The following MEF2D variants were observed in gnomAD, a reference collection of about 807,000 sequenced individuals.
MEF2D encodes myocyte-specific enhancer factor 2D.
Under a neutral mutation model 59.3 loss-of-function variants are expected in MEF2D, and 10 were observed. That is an observed-to-expected ratio of 0.17 (90% CI 0.10 to 0.29). The LOEUF is 0.29. Ranked by LOEUF, MEF2D falls within the 10% of genes least tolerant of loss-of-function variation. The pLI, the probability that MEF2D is intolerant of heterozygous loss-of-function variation, is 1.00. For missense variants in MEF2D, 508 were observed against 699.4 expected (o/e 0.73, Z 3.09); for synonymous variants, 305 against 295.0 (o/e 1.03, Z -0.35).
intron 1 of MEF2D, among the ~76,000 whole-genome samples, chr1:156,493,897 G>A (rs922342511): frequency 6.6e-6 from 1 of 152,070 alleles, no homozygotes; most frequent in Non-Finnish European, 1.5e-5. Context: ...CCCACCCCCA[G>A]GCTGACAGGT....
intron 5 of MEF2D, 37 bp from the exon 6 acceptor site, chr1:156,479,383 C>T (rs1336580430): frequency 1.2e-6 from 2 of 1,602,514 alleles, no homozygotes; most frequent in Non-Finnish European, 1.7e-6. Flanking sequence ...GCTGACAACA[C>T]TCCCGCTTCA....
chr1:156,485,012 G>A (rs1373285104), intron 1 of MEF2D, among the ~76,000 whole-genome samples: 1 of 152,106 alleles, frequency 6.6e-6, no homozygotes, highest in Non-Finnish European at 1.5e-5. Flanking sequence ...GCTTTCTAAA[G>A]CCACTCTATT....
At chr1:156,479,902 CA>C (rs1671879135) in intron 4 of MEF2D, 106 bp from the exon 5 acceptor site, 1 of 1,101,738 alleles carries the variant, frequency 9.1e-7, no homozygotes, top group African/African-American at 1.6e-5. Flanking sequence ...CTGGGCTACG[CA>C]TCCTAGGGCC....
intron 1 of MEF2D, among the ~76,000 whole-genome samples, chr1:156,487,128 C>G (rs1672423712): frequency 6.6e-6 from 1 of 152,208 alleles, no homozygotes; most frequent in Non-Finnish European, 1.5e-5. Context: ...GTTGCTTAGG[C>G]AACTGTCGCC....
intron 4 of MEF2D, among the ~76,000 whole-genome samples, 190 bp from the exon 5 acceptor site, chr1:156,479,986 G>A (rs1428287128): frequency 1.3e-5 from 2 of 152,164 alleles, no homozygotes; most frequent in African/African-American, 4.8e-5. Context: ...GAACTTTGGG[G>A]AGAAACTCTG....
Position 156,468,413 on chromosome 1 carries a change from T to A in MEF2D, c.1248-114A>T. ...GAGAGAGAACAAGAGGATGAGAATA[T>A]GGGGGATGGGGTGTTGGGGAGAGGC... On this transcript the variant is annotated intron_variant, in intron 10 of 11. Transcript: ENST00000348159. The surrounding 1 kb of genome is among the most constrained non-coding windows in gnomAD (Gnocchi z 4.3). 1.3e-6 allele frequency: 1 copy of A among 743,532 alleles called. No homozygotes were observed. Among genetic ancestry groups the A allele is most frequent in the Non-Finnish European group, 2.1e-6 (1 of 465,638 alleles). The allele number at this position is 743,532 out of a possible 1,614,324, so 46.1% of individuals were successfully genotyped here. A position where few individuals can be genotyped will look rare whatever the true frequency, so the allele number is the denominator to read the frequency against.
At chr1:156,473,043 G>T (rs1671335977) in intron 9 of MEF2D, among the ~76,000 whole-genome samples, 1 of 148,272 alleles carries the variant, frequency 6.7e-6, no homozygotes, top group Non-Finnish European at 1.5e-5. Context: ...TTTTGAGAGG[G>T]AGTCTCGCTC....
rs769554128 is a variant in MEF2D at position 156,468,872 on chromosome 1, C to T, written c.1155G>A (p.Gln385=). 1 of 1,613,076 alleles carries T rather than the reference C, an allele frequency of 6.2e-7. No individual in the cohort carries two copies. The highest frequency in any genetic ancestry group is 8.5e-7 in the Non-Finnish European group (1 of 1,179,480). The change falls in exon 10 of 12, where the codon CAG becomes CAA. Residue 385 remains glutamine, a synonymous_variant. Coordinates refer to ENST00000348159, the MANE Select transcript of MEF2D (RefSeq NM_005920.4). The surrounding 1 kb of genome is among the most constrained non-coding windows in gnomAD (Gnocchi z 4.3). ...GCTGCTGTGGCTGTGGCTGCTGTGGCTGCGGTGGCTGCTGCTGTGGAGGCT... is the reference window on the plus strand; with the variant it reads ...GCTGCTGTGGCTGTGGCTGCTGTGGTTGCGGTGGCTGCTGCTGTGGAGGCT... The part of the protein sequence containing the change: ...QPQPPQQQPP[Q]PQQPQPQQPQ...
intron 1 of MEF2D, among the ~76,000 whole-genome samples, chr1:156,491,876 T>C (rs897889827): frequency 2.0e-5 from 3 of 152,256 alleles, no homozygotes; most frequent in Admixed American, 1.3e-4. Context: ...CCAGGATCCG[T>C]AGGCACTTGC....
chr1:156,493,394 T>C (rs1211620575), intron 1 of MEF2D, among the ~76,000 whole-genome samples: 1 of 152,162 alleles, frequency 6.6e-6, no homozygotes, highest in Non-Finnish European at 1.5e-5. Flanking sequence ...CTGGGTCTCC[T>C]TCTAACTCGA....
At chr1:156,487,919 T>C (rs1672474113) in intron 1 of MEF2D, among the ~76,000 whole-genome samples, 1 of 152,226 alleles carries the variant, frequency 6.6e-6, no homozygotes, top group South Asian at 2.1e-4. Context: ...CCCTGCCTAG[T>C]ATCTGGAGCC....
chr1:156,494,219 A>G lies in MEF2D; in HGVS notation c.-139+6267T>C, dbSNP rs960238598. ...CTCTATTCCCTTGTTACTTGATCCA[A>G]CTGGAGTGGGAAGACCCCAGGAAAA... On this transcript the variant is annotated intron_variant, in intron 1 of 11. Coordinates refer to ENST00000348159, the MANE Select transcript of MEF2D (RefSeq NM_005920.4). Among the ~76,000 whole-genome samples the G allele has an allele frequency of 3.3e-5, 5 of 151,812 alleles. No homozygotes were observed. In the South Asian group the frequency reaches 6.3e-4, roughly 19 times the overall value.
chr1:156,496,325 A>G (rs1261837682), intron 1 of MEF2D, among the ~76,000 whole-genome samples: 5 of 152,176 alleles, frequency 3.3e-5, no homozygotes, highest in Admixed American at 2.0e-4. Flanking sequence ...CCAGGTGTTA[A>G]TCACCGAAAG....
At chr1:156,494,835 G>A (rs1436798434) in intron 1 of MEF2D, among the ~76,000 whole-genome samples, 2 of 152,224 alleles carry the variant, frequency 1.3e-5, no homozygotes, top group African/African-American at 4.8e-5. Context: ...CTGACTGTTG[G>A]GCACAGGGCT....
chr1:156,497,657 T>C (rs190379269), intron 1 of MEF2D, among the ~76,000 whole-genome samples: 40 of 152,178 alleles, frequency 2.6e-4, no homozygotes, highest in Admixed American at 1.4e-3. Flanking sequence ...CTGACTCAAA[T>C]AGAACTAGGG....
intron 9 of MEF2D, among the ~76,000 whole-genome samples, chr1:156,473,016 T>C (rs1420440813): frequency 2.0e-5 from 3 of 148,756 alleles, no homozygotes; most frequent in East Asian, 4.1e-4. Flanking sequence ...AGCCTTTTTA[T>C]GTTTGAACTT....
At chr1:156,476,955 C>T in intron 7 of MEF2D, 57 bp downstream of exon 7, 1 of 1,598,314 alleles carries the variant, frequency 6.3e-7, no homozygotes, top group Non-Finnish European at 8.6e-7. Context: ...CTGCTCTTTC[C>T]CCTGTCCCTA....
In MEF2D at chr1:156,476,880, T is replaced by TG. The variant is rs926628864; in HGVS notation, c.855+131dup. ...GGAAGAAAAATCTCATAAAAAGCCA[T>TG]GGTTCCAAGATTTATCTTGGGAAGT... On this transcript the variant is annotated intron_variant, in intron 7 of 11. Coordinates refer to ENST00000348159, the MANE Select transcript of MEF2D (RefSeq NM_005920.4). 1.5e-4 allele frequency: 165 copies of TG among 1,093,898 alleles called. 2 individuals carry two copies. In the Middle Eastern group the frequency reaches 2.2e-3, roughly 14 times the overall value. 67.8% of individuals were successfully genotyped at this position (1,093,898 alleles called of 1,614,324 possible).
chr1:156,477,884 G>A (rs1014148303), intron 6 of MEF2D, among the ~76,000 whole-genome samples: 1 of 152,238 alleles, frequency 6.6e-6, no homozygotes, highest in African/African-American at 2.4e-5. Context: ...AATAACAAAT[G>A]TAATAACTAT....
Sources: allele counts gnomAD v4.1 joint callset (sites outside exome capture counted in the v4.1 genomes callset), GRCh38; gene constraint gnomAD v4.1.1; non-coding constraint Gnocchi (gnomAD v3.1); transcripts MANE v1.5; gene names NCBI Gene and HGNC (gene_info 2026-07-23, HGNC 2026-07-21).